ZSCAN25: variants seen among roughly 807,000 people sequenced by gnomAD.
ZSCAN25 encodes the protein zinc finger and SCAN domain containing 25, also known as zinc finger and SCAN domain-containing protein 25.
ZSCAN25 carries 27 observed loss-of-function variants against 38.7 expected under a neutral mutation model. That is an observed-to-expected ratio of 0.70 (90% CI 0.51 to 0.96). The LOEUF (loss-of-function observed/expected upper bound fraction) is 0.96, where lower values mean the gene tolerates loss of function less well. Ranked by LOEUF, ZSCAN25 falls within the 40% of genes least tolerant of loss-of-function variation. The pLI is 0.00. For missense variants in ZSCAN25, 637 were observed against 705.9 expected (o/e 0.90, Z 1.11); for synonymous variants, 273 against 277.7 (o/e 0.98, Z 0.17).
At chr7:99,623,962 G>T in intron 6 of ZSCAN25, 95 bp from the exon 7 acceptor site, 1 of 1,553,744 alleles carries the variant, frequency 6.4e-7, no homozygotes, top group Non-Finnish European at 8.8e-7. Context: ...ACTGTTGGGA[G>T]GAAGCTGGTT....
chr7:99,705,713 T>C, the ZSCAN25 span: 1 of 1,248,560 alleles, frequency 8.0e-7, no homozygotes, highest in Non-Finnish European at 1.1e-6. Flanking sequence ...AAAAACTACT[T>C]TCAGCACTAT....
rs1807903897 is a variant in ZSCAN25 at position 99,630,417 on chromosome 7, C to A, written c.*397C>A. 4.9e-6 allele frequency: 5 copies of A among 1,018,108 alleles called. No homozygotes were observed. Among genetic ancestry groups the A allele is most frequent in the Non-Finnish European group, 5.9e-6 (5 of 851,370 alleles). 63.1% of individuals were successfully genotyped at this position (1,018,108 alleles called of 1,614,324 possible). A position where few individuals can be genotyped will look rare whatever the true frequency, so the allele number is the denominator to read the frequency against. On this transcript the variant is annotated 3_prime_UTR_variant, in exon 8 of 8. Coordinates refer to ENST00000394152, the MANE Select transcript of ZSCAN25 (RefSeq NM_145115.3). Reference sequence around the variant, plus strand: ...TGCAGGGTCATAGCTCAGACTCTTCCCCCACCCCCTCTCTTTTCCATTGAA... The same window carrying A: ...TGCAGGGTCATAGCTCAGACTCTTCACCCACCCCCTCTCTTTTCCATTGAA...
the ZSCAN25 span, among the ~76,000 whole-genome samples, chr7:99,711,253 T>C: frequency 1.7e-4 from 26 of 152,334 alleles, no homozygotes; most frequent in African/African-American, 6.0e-4. Flanking sequence ...TAAATTAATA[T>C]GGGGTAGTCT....
At chr7:99,637,537 C>T in the ZSCAN25 span, among the ~76,000 whole-genome samples, 5 of 152,094 alleles carry the variant, frequency 3.3e-5, no homozygotes, top group South Asian at 2.1e-4. Flanking sequence ...TATTCCTGCT[C>T]GTGCATGATG....
the ZSCAN25 span, among the ~76,000 whole-genome samples, chr7:99,643,666 T>A: frequency 6.6e-6 from 1 of 151,940 alleles, no homozygotes; most frequent in East Asian, 1.9e-4. Flanking sequence ...CAACAGCAGA[T>A]GGGGCTCTCA....
intron 6 of ZSCAN25, among the ~76,000 whole-genome samples, chr7:99,623,283 T>C (rs549446875): frequency 1.3e-4 from 20 of 152,246 alleles, no homozygotes; most frequent in African/African-American, 4.6e-4. Flanking sequence ...TGACTCAGGG[T>C]TGGGGCTTTC....
the ZSCAN25 span, chr7:99,677,065 A>G: frequency 2.0e-6 from 1 of 505,074 alleles, no homozygotes; most frequent in South Asian, 8.5e-5. Flanking sequence ...GAAAGCAGTC[A>G]GTTCACTGCC....
the ZSCAN25 span, chr7:99,666,535 A>G: frequency 1.3e-6 from 2 of 1,531,946 alleles, no homozygotes; most frequent in Non-Finnish European, 1.8e-6. Context: ...GCGACTGTCG[A>G]CTCCATGGCA....
In ZSCAN25 at chr7:99,629,826, A is replaced by G. The variant is rs1807841452; in HGVS notation, c.1441A>G (p.Thr481Ala). The G allele has an allele frequency of 3.7e-6, 6 of 1,614,100 alleles. No individual in the cohort carries two copies. The highest frequency in any genetic ancestry group is 4.2e-6 in the Non-Finnish European group (5 of 1,180,044). The change falls in exon 8 of 8, where the codon ACT becomes GCT. Residue 481 changes from threonine (T) to alanine (A), a missense_variant. Thr to Ala is a moderately conservative substitution (Grantham distance 58). Coordinates refer to ENST00000394152, the MANE Select transcript of ZSCAN25 (RefSeq NM_145115.3). This position sits in a 1 kb window ranked among gnomAD's most constrained non-coding sequence, Gnocchi z 5.6. ...ANLAVHRRAH[T>A]GEKPYGCQVC... ...TCTGGCGGTGCACCGGCGTGCCCAC[A>G]CTGGCGAGAAGCCATATGGGTGCCA...
chr7:99,655,953 T>C, the ZSCAN25 span, among the ~76,000 whole-genome samples: 183 of 152,348 alleles, frequency 1.2e-3, no homozygotes, highest in African/African-American at 4.0e-3. Flanking sequence ...TTGCTGAAGT[T>C]GTTTATCAGC....
chr7:99,691,057 C>A, the ZSCAN25 span, among the ~76,000 whole-genome samples: 1 of 151,972 alleles, frequency 6.6e-6, no homozygotes, highest in Non-Finnish European at 1.5e-5. Flanking sequence ...TGTCCAACAA[C>A]GATAGACTGG....
chr7:99,647,277 C>A, the ZSCAN25 span, among the ~76,000 whole-genome samples: 1 of 152,220 alleles, frequency 6.6e-6, no homozygotes, highest in Non-Finnish European at 1.5e-5. Context: ...CCTTCCCCAG[C>A]ACACTTGGAA....
In ZSCAN25 at chr7:99,619,556, A is replaced by G. The variant is rs1194488189; in HGVS notation, c.-46-5A>G. 5.2e-6 allele frequency: 8 copies of G among 1,549,996 alleles called. No individual in the cohort carries two copies. The East Asian group carries it at 1.4e-4, about 26-fold the overall frequency. On this transcript the variant is annotated splice_region_variant and splice_polypyrimidine_tract_variant and intron_variant, in intron 3 of 7. Coordinates refer to ENST00000394152, the MANE Select transcript of ZSCAN25 (RefSeq NM_145115.3). ...GACCTTTCATGTGTCTCTTGTTCTC[A>G]AAAGGGTCATTGATGCAGTCATTCT...
chr7:99,656,128 T>C, the ZSCAN25 span, among the ~76,000 whole-genome samples: 9 of 152,014 alleles, frequency 5.9e-5, no homozygotes, highest in African/African-American at 1.5e-4. Flanking sequence ...TGAATAGGAG[T>C]GGTGAGAGAG....
At chr7:99,648,202 A>G in the ZSCAN25 span, 1 of 1,492,544 alleles carries the variant, frequency 6.7e-7, no homozygotes, top group African/African-American at 1.4e-5. Flanking sequence ...AGTACATTAG[A>G]TTAAGCCCAT....
chr7:99,633,381 T>C (rs1327394147), downstream of ZSCAN25, among the ~76,000 whole-genome samples: 3 of 152,220 alleles, frequency 2.0e-5, no homozygotes, highest in African/African-American at 7.2e-5. Context: ...ATTTAGTAGT[T>C]GGAATATTGT....
At chr7:99,625,357 G>C (rs1807380233) in intron 7 of ZSCAN25, among the ~76,000 whole-genome samples, 1 of 152,182 alleles carries the variant, frequency 6.6e-6, no homozygotes, top group South Asian at 2.1e-4. Context: ...AGGTGGACTT[G>C]GCTCTGTGGC....
the ZSCAN25 span, among the ~76,000 whole-genome samples, chr7:99,711,484 A>G: frequency 6.6e-6 from 1 of 152,172 alleles, no homozygotes; most frequent in African/African-American, 2.4e-5. Flanking sequence ...TTAGAAATGC[A>G]AAGGCTGGGC....
At chr7:99,697,670 C>T in the ZSCAN25 span, among the ~76,000 whole-genome samples, 28 of 152,176 alleles carry the variant, frequency 1.8e-4, no homozygotes, top group African/African-American at 6.0e-4. Context: ...TCCAAACATT[C>T]TGTACAAATC....
Sources: gnomAD v4.1 joint callset for allele counts (sites outside exome capture counted in the v4.1 genomes callset) on GRCh38, gnomAD v4.1.1 for gene constraint, Gnocchi (gnomAD v3.1) non-coding constraint, MANE v1.5 for transcripts, NCBI Gene and HGNC (gene_info 2026-07-23, HGNC 2026-07-21) for gene names.